Variants in MRPS27 observed in about 807,000 individuals in gnomAD.
MRPS27 encodes small ribosomal subunit protein mS27.
Under a neutral mutation model 48.9 loss-of-function variants are expected in MRPS27, and 43 were observed. The observed-to-expected ratio is 0.88, with a 90% CI of 0.69 to 1.13. The LOEUF is 1.13. Among genes scored for constraint, MRPS27 ranks in the 50% most tolerant of loss-of-function variants. The pLI is 0.00. For missense variants in MRPS27, 467 were observed against 476.3 expected, an observed-to-expected ratio of 0.98 and a Z score of 0.18; for synonymous variants, 188 against 171.9, an observed-to-expected ratio of 1.09 and a Z score of -0.73.
intron 4 of MRPS27, among the ~76,000 whole-genome samples, chr5:72,260,601 C>T (rs1748938491): frequency 6.6e-6 from 1 of 152,112 alleles, no homozygotes; most frequent in South Asian, 2.1e-4. Context: ...CCTTATCCTA[C>T]CAATTCTGTT....
At chr5:72,291,210 A>T (rs573270222) in intron 4 of MRPS27, among the ~76,000 whole-genome samples, 1 of 152,324 alleles carries the variant, frequency 6.6e-6, no homozygotes, top group East Asian at 1.9e-4. Flanking sequence ...CTTCTTTGTA[A>T]GAAGAGAAAA....
At chr5:72,289,806 C>T (rs1016960473) in intron 4 of MRPS27, among the ~76,000 whole-genome samples, 1 of 152,124 alleles carries the variant, frequency 6.6e-6, no homozygotes, top group South Asian at 2.1e-4. Context: ...TGTTACGTTG[C>T]AGATCAAATT....
chr5:72,233,721 T>C (rs192078074), intron 6 of MRPS27, among the ~76,000 whole-genome samples: 4 of 152,214 alleles, frequency 2.6e-5, no homozygotes, highest in African/African-American at 7.2e-5. Flanking sequence ...CCAGTAATAT[T>C]TTAAAAGAGC....
chr5:72,279,426 A>T (rs767903705), intron 4 of MRPS27, among the ~76,000 whole-genome samples: 4 of 152,172 alleles, frequency 2.6e-5, no homozygotes, highest in African/African-American at 7.2e-5. Context: ...GTGGTAACAA[A>T]ATTTTTGTAG....
intron 1 of MRPS27, among the ~76,000 whole-genome samples, chr5:72,318,621 C>T (rs2112098375): frequency 6.6e-6 from 1 of 152,242 alleles, no homozygotes; most frequent in East Asian, 1.9e-4. Context: ...ATGGAGAAAC[C>T]CCGTCTCTAC....
Position 72,223,790 on chromosome 5 carries a change from G to C in MRPS27, c.898C>G (p.Gln300Glu), listed in dbSNP as rs1322187555. The C allele has an allele frequency of 2.5e-6, 4 of 1,613,996 alleles. No homozygotes were observed. The highest frequency in any genetic ancestry group is 3.4e-6 in the Non-Finnish European group (4 of 1,179,938). Reference protein sequence around the residue: ...LTSADGASEEQSQNDEDNQGS... With the variant: ...LTSADGASEEESQNDEDNQGS... ...TGGTTGTCTTCATCATTTTGGGACTGCTCCTCTGAAGCCCCATCAGCTGAA... is the reference window on the plus strand; with the variant it reads ...TGGTTGTCTTCATCATTTTGGGACTCCTCCTCTGAAGCCCCATCAGCTGAA... The change falls in exon 10 of 11, where the codon CAG (glutamine) becomes GAG (glutamate). Residue 300 changes from glutamine to glutamate, a missense_variant. By Grantham distance (29) the Gln-to-Glu change is conservative (BLOSUM62 2). Coordinates refer to ENST00000261413, the MANE Select transcript of MRPS27 (RefSeq NM_015084.3).
intron 4 of MRPS27, among the ~76,000 whole-genome samples, chr5:72,266,161 A>G (rs1749102979): frequency 6.6e-6 from 1 of 152,218 alleles, no homozygotes. Context: ...ATCATGAAGA[A>G]TAACAGTGAG....
chr5:72,230,891 C>T (rs965269544), intron 7 of MRPS27, among the ~76,000 whole-genome samples: 2 of 152,042 alleles, frequency 1.3e-5, no homozygotes, highest in African/African-American at 4.8e-5. Context: ...TTGTTATTTA[C>T]CTTCCAAATA....
At chr5:72,292,382 G>A (rs886206168) in intron 4 of MRPS27, among the ~76,000 whole-genome samples, 24 of 151,950 alleles carry the variant, frequency 1.6e-4, no homozygotes, top group African/African-American at 5.8e-4. Context: ...AATAGACCAC[G>A]GCCCAAATAA....
At chr5:72,271,581 G>A (rs1224168081) in intron 4 of MRPS27, among the ~76,000 whole-genome samples, 2 of 152,172 alleles carry the variant, frequency 1.3e-5, no homozygotes, top group Non-Finnish European at 2.9e-5. Flanking sequence ...AATATAATGT[G>A]TGATCCTGGT....
Position 72,220,897 on chromosome 5 carries a change from T to C in MRPS27, c.*12A>G. 1.2e-6 allele frequency: 2 copies of C among 1,613,896 alleles called. No homozygotes were observed. The highest frequency in any genetic ancestry group is 1.7e-6 in the Non-Finnish European group (2 of 1,179,848). On this transcript the variant is annotated 3_prime_UTR_variant, in exon 11 of 11. Transcript: ENST00000261413. ...AGTTCTTGTGAGACAGGTGGGGCCC[T>C]GGGGGACCCTATTAGGCAGATGCCT...
Position 72,295,536 on chromosome 5 carries a change from A to C in MRPS27, c.276T>G (p.Leu92=). The C allele has an allele frequency of 1.2e-6, 2 of 1,608,260 alleles. No individual in the cohort carries two copies. The highest frequency in any genetic ancestry group is 1.7e-6 in the Non-Finnish European group (2 of 1,175,166). Residue 92 remains leucine (L), a synonymous_variant, in exon 4 of 11, where the codon CTT becomes CTG. Transcript: ENST00000261413. ...REEIDHAEYY[L]YKFRHSPNCW... is the part of the protein sequence containing the mutation. ...AAATCAAATGGAAAACTTACTTGTA[A>C]AGGTAATACTCTGCATGATCTATCT...
intron 2 of MRPS27, among the ~76,000 whole-genome samples, chr5:72,309,829 A>C (rs576730813): frequency 6.6e-6 from 1 of 152,232 alleles, no homozygotes; most frequent in Non-Finnish European, 1.5e-5. Context: ...CTATGAGTCC[A>C]TACTGGTCTG....
chr5:72,306,019 T>G (rs1019013595), intron 2 of MRPS27, among the ~76,000 whole-genome samples: 1 of 152,224 alleles, frequency 6.6e-6, no homozygotes, highest in Admixed American at 6.5e-5. Context: ...AGAGCACAGT[T>G]GAACTATGGC....
chr5:72,309,716 G>A (rs1750386778), intron 2 of MRPS27, among the ~76,000 whole-genome samples: 1 of 152,130 alleles, frequency 6.6e-6, no homozygotes, highest in Admixed American at 6.5e-5. Context: ...ACCTAGGAAA[G>A]TGTTAATAAG....
chr5:72,301,317 C>A (rs1029964350), intron 2 of MRPS27, among the ~76,000 whole-genome samples: 1 of 152,156 alleles, frequency 6.6e-6, no homozygotes, highest in Non-Finnish European at 1.5e-5. Flanking sequence ...AGTCCTTAAA[C>A]CCCCTTCACA....
chr5:72,300,296 T>C (rs975921706), intron 2 of MRPS27, among the ~76,000 whole-genome samples: 32 of 152,206 alleles, frequency 2.1e-4, no homozygotes, highest in Admixed American at 1.6e-3. Flanking sequence ...CTTCTAAACA[T>C]TGGAGTGCCT....
chr5:72,310,796 G>C (rs1750424577), intron 2 of MRPS27, among the ~76,000 whole-genome samples: 1 of 152,006 alleles, frequency 6.6e-6, no homozygotes, highest in Non-Finnish European at 1.5e-5. Flanking sequence ...TAATCAGAAG[G>C]GAGAAAAACA....
At chr5:72,281,433 G>A (rs1180271822) in intron 4 of MRPS27, among the ~76,000 whole-genome samples, 2 of 152,134 alleles carry the variant, frequency 1.3e-5, no homozygotes, top group East Asian at 1.9e-4. Flanking sequence ...CAGGTAAAGA[G>A]AAAGAAAGAA....
Sources: allele counts gnomAD v4.1 joint callset (sites outside exome capture counted in the v4.1 genomes callset), GRCh38; gene constraint gnomAD v4.1.1; transcripts MANE v1.5; gene names NCBI Gene and HGNC (gene_info 2026-07-23, HGNC 2026-07-21).